Variants in NAALADL2 observed in about 807,000 individuals in gnomAD.
NAALADL2 encodes inactive N-acetylated-alpha-linked acidic dipeptidase-like protein 2.
In NAALADL2, 76 loss-of-function variants were observed where a neutral mutation model predicts 87.2. That is an observed-to-expected ratio of 0.87 (90% CI 0.72 to 1.05). The LOEUF is 1.05. Ranked by LOEUF, NAALADL2 falls within the 50% of genes least tolerant of loss-of-function variation. NAALADL2 has a pLI of 0.00. For missense variants in NAALADL2, 1,089 were observed against 945.8 expected, an observed-to-expected ratio of 1.15 and a Z score of -1.99; for synonymous variants, 354 against 331.0, an observed-to-expected ratio of 1.07 and a Z score of -0.75.
chr3:175,787,026 T>TGGTCAGG (rs1024826783), intron 13 of NAALADL2, among the ~76,000 whole-genome samples: 10 of 150,864 alleles, frequency 6.6e-5, no homozygotes, highest in East Asian at 3.9e-4. Context: ...GGCTGCTTGT[T>TGGTCAGG]GGTCAGGGGT....
chr3:174,529,303 T>C (rs1721034751), intron 1 of NAALADL2, among the ~76,000 whole-genome samples: 1 of 152,226 alleles, frequency 6.6e-6, no homozygotes, highest in Non-Finnish European at 1.5e-5. Context: ...CAGGTTGCAC[T>C]GATGCAAGAG....
chr3:175,296,155 G>A (rs1054336366), intron 4 of NAALADL2, among the ~76,000 whole-genome samples: 13 of 39,376 alleles, frequency 3.3e-4, no homozygotes, highest in Non-Finnish European at 1.2e-3. Flanking sequence ...TTAAATCAAC[G>A]GCCCACCACC....
intron 9 of NAALADL2, among the ~76,000 whole-genome samples, chr3:175,511,823 G>T (rs73884438): frequency 0.016 from 2,369 of 152,304 alleles, 64 homozygotes; most frequent in African/African-American, 0.054. Context: ...GAAATTCCAA[G>T]TGTGAGGAAC....
chr3:175,484,981 A>G (rs1224189157), intron 9 of NAALADL2, among the ~76,000 whole-genome samples: 1 of 152,138 alleles, frequency 6.6e-6, no homozygotes, highest in African/African-American at 2.4e-5. Flanking sequence ...TCCCAACTGT[A>G]TTGGTTAAGA....
intron 1 of NAALADL2, among the ~76,000 whole-genome samples, chr3:174,924,319 T>C (rs1448107413): frequency 6.6e-6 from 1 of 151,036 alleles, no homozygotes; most frequent in Non-Finnish European, 1.5e-5. Context: ...GTGTTTGGTT[T>C]TTTGTCCCTG....
chr3:175,376,489 A>G (rs1767143946), intron 5 of NAALADL2, among the ~76,000 whole-genome samples: 2 of 152,040 alleles, frequency 1.3e-5, no homozygotes, highest in Admixed American at 6.6e-5. Context: ...ATTTGTCTCT[A>G]TCTTTGTTTT....
At chr3:175,336,107 C>G (rs763737718) in intron 5 of NAALADL2, among the ~76,000 whole-genome samples, 7 of 150,368 alleles carry the variant, frequency 4.7e-5, no homozygotes, top group Non-Finnish European at 1.0e-4. Context: ...CAGGGCCTCC[C>G]GAAAGCCTTT....
intron 2 of NAALADL2, among the ~76,000 whole-genome samples, chr3:175,126,295 C>A (rs1726942163): frequency 6.6e-6 from 1 of 152,038 alleles, no homozygotes; most frequent in African/African-American, 2.4e-5. Context: ...TCTGATTGTG[C>A]AGACTATGGG....
intron 1 of NAALADL2, among the ~76,000 whole-genome samples, chr3:174,882,221 C>A (rs1454209092): frequency 6.6e-6 from 1 of 151,654 alleles, no homozygotes; most frequent in Non-Finnish European, 1.5e-5. Context: ...TGTGGCAGTT[C>A]CTTTATAAAA....
At chr3:175,613,382 C>T (rs1297833511) in intron 10 of NAALADL2, among the ~76,000 whole-genome samples, 3 of 152,110 alleles carry the variant, frequency 2.0e-5, no homozygotes, top group African/African-American at 7.2e-5. Context: ...TAAAGTAGTG[C>T]ATAGACTTAA....
chr3:174,464,193 C>G (rs988019400), intron 1 of NAALADL2, among the ~76,000 whole-genome samples: 1 of 151,976 alleles, frequency 6.6e-6, no homozygotes, highest in African/African-American at 2.4e-5. Context: ...ATTTCACGAA[C>G]TAATGTTTAA....
At chr3:175,152,553 A>G (rs1408393921) in intron 2 of NAALADL2, among the ~76,000 whole-genome samples, 2 of 152,174 alleles carry the variant, frequency 1.3e-5, no homozygotes, top group African/African-American at 4.8e-5. Context: ...TGAAACAAGG[A>G]TCTGGTAGTG....
intron 1 of NAALADL2, among the ~76,000 whole-genome samples, chr3:174,449,566 A>G (rs1474498543): frequency 6.6e-6 from 1 of 152,232 alleles, no homozygotes; most frequent in African/African-American, 2.4e-5. Context: ...AGTCTCATAT[A>G]TTACATAAAC....
chr3:175,286,994 G>A (rs1164358473), intron 4 of NAALADL2, among the ~76,000 whole-genome samples: 1 of 151,512 alleles, frequency 6.6e-6, no homozygotes, highest in African/African-American at 2.4e-5. Flanking sequence ...GAGGGGTGTG[G>A]GGATGGGGCG....
At chr3:174,927,978 C>G (rs999662536) in intron 1 of NAALADL2, among the ~76,000 whole-genome samples, 6 of 151,906 alleles carry the variant, frequency 3.9e-5, no homozygotes, top group African/African-American at 1.5e-4. Flanking sequence ...TAGAAATAGT[C>G]TAAAAATTAA....
At chr3:175,035,244 T>C (rs1365455781) in intron 1 of NAALADL2, among the ~76,000 whole-genome samples, 1 of 152,170 alleles carries the variant, frequency 6.6e-6, no homozygotes, top group Admixed American at 6.5e-5. Flanking sequence ...TTGAATTGGT[T>C]GACAGGTATG....
At chr3:174,675,852 G>A (rs887720267) in intron 2 of NAALADL2, among the ~76,000 whole-genome samples, 1 of 151,982 alleles carries the variant, frequency 6.6e-6, no homozygotes, top group Non-Finnish European at 1.5e-5. Flanking sequence ...AATATATTTA[G>A]CACAGTAAAT....
intron 9 of NAALADL2, among the ~76,000 whole-genome samples, chr3:175,556,112 A>G (rs1715223098): frequency 6.6e-6 from 1 of 152,196 alleles, no homozygotes; most frequent in Non-Finnish European, 1.5e-5. Flanking sequence ...TCAGCACCAT[A>G]CAGTATAAGG....
intron 1 of NAALADL2, among the ~76,000 whole-genome samples, chr3:174,895,218 T>C (rs1731358569): frequency 6.6e-6 from 1 of 151,044 alleles, no homozygotes; most frequent in African/African-American, 2.4e-5. Context: ...AAATAAACAA[T>C]ACAAAAGATC....
Sources: gnomAD v4.1 joint callset for allele counts (sites outside exome capture counted in the v4.1 genomes callset) on GRCh38, gnomAD v4.1.1 for gene constraint, MANE v1.5 for transcripts, NCBI Gene and HGNC (gene_info 2026-07-23, HGNC 2026-07-21) for gene names.